The following AUTS2 variants were observed in gnomAD, a reference collection of about 807,000 sequenced individuals.
AUTS2 encodes the protein autism susceptibility gene 2 protein.
Under a neutral mutation model 112.4 loss-of-function variants are expected in AUTS2, and 17 were observed. The ratio of observed to expected loss-of-function variants is 0.15; its 90% confidence interval spans 0.10 to 0.23. The LOEUF (loss-of-function observed/expected upper bound fraction) is 0.23. Ranked by LOEUF, AUTS2 falls within the 10% of genes least tolerant of loss-of-function variation. The pLI is 1.00. For synonymous variants in AUTS2, 751 were observed against 702.7 expected (o/e 1.07, Z -1.09); for missense variants, 1,510 against 1,701.6 (o/e 0.89, Z 1.98).
intron 2 of AUTS2, among the ~76,000 whole-genome samples, chr7:69,906,090 C>G (rs1238266472): frequency 6.6e-6 from 1 of 152,186 alleles, no homozygotes. Flanking sequence ...CCATAAATTT[C>G]TACAATGTCA....
chr7:70,356,641 T>G (rs1023430396), intron 4 of AUTS2, among the ~76,000 whole-genome samples: 1 of 152,218 alleles, frequency 6.6e-6, no homozygotes, highest in Non-Finnish European at 1.5e-5. Flanking sequence ...GCAAATGCAG[T>G]GTGTACTCAG....
chr7:69,899,225 G>T, intron 1 of AUTS2, 61 bp from the exon 2 acceptor site: 1 of 1,258,450 alleles, frequency 7.9e-7, no homozygotes, highest in Non-Finnish European at 1.2e-6. Flanking sequence ...CCTATATTTT[G>T]GGTGTGACCC....
At chr7:70,052,925 A>T (rs780914095) in intron 2 of AUTS2, among the ~76,000 whole-genome samples, 1 of 152,174 alleles carries the variant, frequency 6.6e-6, no homozygotes, top group Non-Finnish European at 1.5e-5. Flanking sequence ...TAATATACAA[A>T]AAGATGGTCA....
chr7:70,323,230 G>A (rs1047933117), intron 4 of AUTS2, among the ~76,000 whole-genome samples: 3 of 152,178 alleles, frequency 2.0e-5, no homozygotes, highest in African/African-American at 7.2e-5. Flanking sequence ...CTCAAAACAG[G>A]CAGACCTAAG....
intron 5 of AUTS2, among the ~76,000 whole-genome samples, chr7:70,659,328 C>T (rs1349317235): frequency 6.6e-6 from 1 of 152,226 alleles, no homozygotes; most frequent in Non-Finnish European, 1.5e-5. Context: ...TGCTAAATGA[C>T]ACCCGTATTC....
intron 5 of AUTS2, among the ~76,000 whole-genome samples, chr7:70,589,814 G>A (rs1382615782): frequency 6.6e-6 from 1 of 152,190 alleles, no homozygotes; most frequent in African/African-American, 2.4e-5. Context: ...AGCTCCAGGG[G>A]GACTCTGGGG....
At chr7:70,054,170 T>A (rs1430042504) in intron 2 of AUTS2, among the ~76,000 whole-genome samples, 1 of 152,198 alleles carries the variant, frequency 6.6e-6, no homozygotes, top group Admixed American at 6.5e-5. Context: ...AGTTTTACTT[T>A]CATAAATTTA....
At chr7:69,709,334 T>C (rs1798209480) in intron 1 of AUTS2, among the ~76,000 whole-genome samples, 1 of 152,198 alleles carries the variant, frequency 6.6e-6, no homozygotes, top group African/African-American at 2.4e-5. Flanking sequence ...GTGGGTGCTG[T>C]GTGTTCATTG....
chr7:70,251,722 C>T lies in AUTS2; in HGVS notation c.660+117151C>T, dbSNP rs111441170. On this transcript the variant is annotated intron_variant, in intron 4 of 18. Transcript: ENST00000342771. ...TTTGCTTGTTGGCTCTTCACCAGTA[C>T]CTAATCTATTGTTAATTCTGATTAC... Among the ~76,000 whole-genome samples, 5 of 152,146 alleles carry T rather than the reference C, an allele frequency of 3.3e-5. 1 individual carries two copies. The highest frequency in any genetic ancestry group is 1.3e-4 in the Admixed American group (2 of 15,272).
chr7:69,990,585 T>C (rs1268586025), intron 2 of AUTS2, among the ~76,000 whole-genome samples: 2 of 152,052 alleles, frequency 1.3e-5, no homozygotes, highest in Admixed American at 6.6e-5. Flanking sequence ...AAAATATGAG[T>C]GTAACTTTGA....
chr7:70,686,364 A>G (rs1020365427), intron 5 of AUTS2, among the ~76,000 whole-genome samples: 4 of 152,218 alleles, frequency 2.6e-5, no homozygotes, highest in African/African-American at 9.6e-5. Flanking sequence ...ACTGAGGTAC[A>G]GAGATGCAAA....
intron 6 of AUTS2, among the ~76,000 whole-genome samples, chr7:70,709,322 T>C (rs1000333322): frequency 6.6e-6 from 1 of 152,152 alleles, no homozygotes; most frequent in African/African-American, 2.4e-5. Flanking sequence ...AGCAGATCAC[T>C]CCATTTGACT....
intron 2 of AUTS2, among the ~76,000 whole-genome samples, chr7:69,968,361 A>G (rs1049793343): frequency 6.6e-6 from 1 of 152,210 alleles, no homozygotes; most frequent in African/African-American, 2.4e-5. Flanking sequence ...GGTTGTACCT[A>G]AAATTTTGAT....
At chr7:69,749,442 G>A (rs1008557653) in intron 1 of AUTS2, among the ~76,000 whole-genome samples, 2 of 152,048 alleles carry the variant, frequency 1.3e-5, no homozygotes, top group African/African-American at 4.8e-5. Context: ...AGATGTTGTA[G>A]GCACCACCTT....
intron 4 of AUTS2, among the ~76,000 whole-genome samples, chr7:70,211,054 A>C (rs1810855144): frequency 6.6e-6 from 1 of 152,112 alleles, no homozygotes; most frequent in South Asian, 2.1e-4. Context: ...GATGAATATT[A>C]TGGCTGCTGG....
chr7:69,808,984 G>A (rs1300300904), intron 1 of AUTS2, among the ~76,000 whole-genome samples: 1 of 152,092 alleles, frequency 6.6e-6, no homozygotes, highest in African/African-American at 2.4e-5. Flanking sequence ...GGCTCTGTGT[G>A]ACATCATACC....
At chr7:70,600,401 G>A (rs113671239) in intron 5 of AUTS2, among the ~76,000 whole-genome samples, 4,933 of 151,854 alleles carry the variant, frequency 0.032, 168 homozygotes, top group Non-Finnish European at 0.04. Flanking sequence ...TCAGCCTCCC[G>A]AGTAGCTGGG....
Position 69,648,344 on chromosome 7 carries a change from C to G in AUTS2, c.309+48382C>G, listed in dbSNP as rs182608467. On this transcript the variant is annotated intron_variant, in intron 1 of 18. Transcript: ENST00000342771. Reference sequence around the variant, plus strand: ...TTAAGAAGTAAAACATTACCAGTACCTTTAAAGGCTCTGGAAAGCCTGGGG... The same window carrying G: ...TTAAGAAGTAAAACATTACCAGTACGTTTAAAGGCTCTGGAAAGCCTGGGG... Among the ~76,000 whole-genome samples, 188 of 152,054 alleles carry G rather than the reference C, an allele frequency of 1.2e-3. 2 individuals carry two copies. Among genetic ancestry groups the G allele is most frequent in the African/African-American group, 4.2e-3 (175 of 41,452 alleles).
chr7:69,721,143 G>T (rs1798909215), intron 1 of AUTS2, among the ~76,000 whole-genome samples: 1 of 152,192 alleles, frequency 6.6e-6, no homozygotes, highest in Non-Finnish European at 1.5e-5. Flanking sequence ...TGAGCAGGGT[G>T]TTGCTTATGA....
Sources: allele counts gnomAD v4.1 joint callset (sites outside exome capture counted in the v4.1 genomes callset), GRCh38; gene constraint gnomAD v4.1.1; transcripts MANE v1.5; gene names NCBI Gene and HGNC (gene_info 2026-07-23, HGNC 2026-07-21).